Variants in FGF14 observed in about 807,000 individuals in gnomAD.
FGF14 encodes fibroblast growth factor homologous factor 4.
In FGF14, 5 loss-of-function variants were observed where a neutral mutation model predicts 25.5. That is an observed-to-expected ratio of 0.20 (90% CI 0.10 to 0.41). The LOEUF (loss-of-function observed/expected upper bound fraction) is 0.41, where lower values mean the gene tolerates loss of function less well. Among genes scored for constraint, FGF14 ranks in the 10% least tolerant of loss-of-function variants. The probability of loss-of-function intolerance (pLI) is 1.00; values close to 1 mark genes in which losing one functional copy is unlikely to be tolerated. For synonymous variants in FGF14, 138 were observed against 118.3 expected (o/e 1.17, Z -1.08); for missense variants, 222 against 320.1 (o/e 0.69, Z 2.34).
At chr13:102,071,614 G>A (rs139444252) in intron 1 of FGF14, among the ~76,000 whole-genome samples, 131 of 152,274 alleles carry the variant, frequency 8.6e-4, no homozygotes, top group African/African-American at 3.1e-3. Context: ...TGTATGAGCA[G>A]TTTTTCCGGA....
chr13:102,008,344 C>T (rs1292288806), intron 1 of FGF14, among the ~76,000 whole-genome samples: 2 of 152,224 alleles, frequency 1.3e-5, no homozygotes, highest in Non-Finnish European at 2.9e-5. Context: ...CTCCAAGTCA[C>T]TCCACCTTTA....
At chr13:102,021,050 A>G (rs965391240) in intron 1 of FGF14, among the ~76,000 whole-genome samples, 2 of 151,978 alleles carry the variant, frequency 1.3e-5, no homozygotes, top group Non-Finnish European at 2.9e-5. Flanking sequence ...TTTTGATGAC[A>G]AGCTAGGGGT....
chr13:102,200,420 A>G (rs2049563620), intron 1 of FGF14, among the ~76,000 whole-genome samples: 1 of 152,160 alleles, frequency 6.6e-6, no homozygotes, highest in Non-Finnish European at 1.5e-5. Flanking sequence ...CTTTTCATTT[A>G]TATCTTTCTC....
At chr13:101,955,277 T>G (rs1177226160) in intron 1 of FGF14, among the ~76,000 whole-genome samples, 1 of 152,162 alleles carries the variant, frequency 6.6e-6, no homozygotes, top group Non-Finnish European at 1.5e-5. Context: ...AGTAGGCAAT[T>G]TCCTTTAAAT....
At chr13:102,281,398 G>A (rs2053826092) in intron 1 of FGF14, among the ~76,000 whole-genome samples, 1 of 152,120 alleles carries the variant, frequency 6.6e-6, no homozygotes, top group African/African-American at 2.4e-5. Flanking sequence ...GAGAGGGTAT[G>A]TCTCATCAAT....
chr13:102,017,414 T>G (rs2040404865), intron 1 of FGF14, among the ~76,000 whole-genome samples: 1 of 152,228 alleles, frequency 6.6e-6, no homozygotes, highest in Non-Finnish European at 1.5e-5. Context: ...GCCTTTTTCC[T>G]GCAGAACTTT....
At chr13:101,738,926 T>C in intron 3 of FGF14, among the ~76,000 whole-genome samples, 1 of 122,564 alleles carries the variant, frequency 8.2e-6, no homozygotes, top group South Asian at 2.7e-4. Context: ...TATATATATA[T>C]GTATATGTAT....
At chr13:102,342,433 T>TA (rs776852023) in intron 1 of FGF14, among the ~76,000 whole-genome samples, 6 of 151,236 alleles carry the variant, frequency 4.0e-5, no homozygotes, top group South Asian at 2.1e-4. Context: ...TTCTAAACTT[T>TA]AAAAAAAAAT....
intron 1 of FGF14, among the ~76,000 whole-genome samples, chr13:102,078,424 C>G (rs1218601476): frequency 6.6e-6 from 1 of 150,568 alleles, no homozygotes; most frequent in Admixed American, 6.6e-5. Flanking sequence ...AAAAACAAGT[C>G]AAACAATACA....
At chr13:101,876,206 T>G (rs1473624961) in intron 1 of FGF14, among the ~76,000 whole-genome samples, 11 of 152,188 alleles carry the variant, frequency 7.2e-5, no homozygotes, top group Non-Finnish European at 8.8e-5. Context: ...AAGAGTCAGT[T>G]GTACCTTTGA....
At chr13:101,979,519 G>GC (rs1315008875) in intron 1 of FGF14, among the ~76,000 whole-genome samples, 2 of 152,104 alleles carry the variant, frequency 1.3e-5, no homozygotes, top group African/African-American at 4.8e-5. Context: ...CTTCCCCTGG[G>GC]CACCATGATT....
chr13:101,961,020 G>C lies in FGF14; in HGVS notation c.209-85724C>G, dbSNP rs555772192. Among the ~76,000 whole-genome samples the C allele has an allele frequency of 3.3e-5, 5 of 152,080 alleles. No homozygotes were observed. The South Asian group carries it at 1.0e-3, about 32-fold the overall frequency. On this transcript the variant is annotated intron_variant, in intron 1 of 4. Coordinates refer to the FGF14 transcript ENST00000376131. ...TGAGAAGTGTCTGTTCATATCTTTT[G>C]CCCATTTTTTAATGGGATTTTTTTG... is the stretch of plus-strand genomic sequence containing the variant.
chr13:101,971,986 A>G (rs2139547148), intron 1 of FGF14, among the ~76,000 whole-genome samples: 1 of 152,332 alleles, frequency 6.6e-6, no homozygotes, highest in East Asian at 1.9e-4. Context: ...ATGCTCAGGA[A>G]CACAAGTGGG....
At chr13:101,889,762 G>A (rs926519730) in intron 1 of FGF14, among the ~76,000 whole-genome samples, 1 of 152,168 alleles carries the variant, frequency 6.6e-6, no homozygotes, top group Non-Finnish European at 1.5e-5. Context: ...ATCTGAGAAC[G>A]TGCATCATCT....
intron 1 of FGF14, among the ~76,000 whole-genome samples, chr13:101,908,612 C>T (rs1380329112): frequency 1.3e-5 from 2 of 152,132 alleles, no homozygotes; most frequent in East Asian, 1.9e-4. Context: ...AATGGAAGAA[C>T]ATTCCATGCT....
chr13:101,932,770 A>AC (rs1681630044), intron 1 of FGF14, among the ~76,000 whole-genome samples: 1 of 151,184 alleles, frequency 6.6e-6, no homozygotes, highest in South Asian at 2.1e-4. Flanking sequence ...AAAAAAAAAA[A>AC]AAAAAGCACT....
chr13:102,151,703 T>G (rs541778121), intron 1 of FGF14, among the ~76,000 whole-genome samples: 2 of 152,234 alleles, frequency 1.3e-5, no homozygotes, highest in African/African-American at 4.8e-5. Flanking sequence ...GATTTCACCA[T>G]GTGGGCAAGG....
chr13:102,347,548 G>A (rs746502297), intron 1 of FGF14, among the ~76,000 whole-genome samples: 5 of 152,118 alleles, frequency 3.3e-5, no homozygotes, highest in African/African-American at 4.8e-5. Flanking sequence ...AGAGTGGGAG[G>A]GAGTAAGGCC....
chr13:102,158,497 A>C (rs9300714), intron 1 of FGF14, among the ~76,000 whole-genome samples: 68,092 of 144,488 alleles, frequency 0.47, 17,470 homozygotes, highest in East Asian at 0.85. Flanking sequence ...AGGAAGGGGA[A>C]CATCACACAC....
Sources: allele counts gnomAD v4.1 joint callset (sites outside exome capture counted in the v4.1 genomes callset), GRCh38; gene constraint gnomAD v4.1.1; transcripts MANE v1.5; gene names NCBI Gene and HGNC (gene_info 2026-07-23, HGNC 2026-07-21).